NCOA2: variants seen among roughly 807,000 people sequenced by gnomAD.
NCOA2 encodes class E basic helix-loop-helix protein 75.
A neutral mutation model predicts 145.1 loss-of-function variants in NCOA2; 21 were observed. The ratio of observed to expected loss-of-function variants is 0.14; its 90% CI spans 0.10 to 0.21. The LOEUF (loss-of-function observed/expected upper bound fraction) is 0.21. Among genes scored for constraint, NCOA2 ranks in the 10% least tolerant of loss-of-function variants. The probability of loss-of-function intolerance (pLI) is 1.00; values close to 1 mark genes in which losing one functional copy is unlikely to be tolerated. For synonymous variants in NCOA2, 619 were observed against 637.5 expected (o/e 0.97, Z 0.44); for missense variants, 1,472 against 1,837.6 (o/e 0.80, Z 3.64).
the NCOA2 span, among the ~76,000 whole-genome samples, chr8:70,430,795 C>T: frequency 1.3e-5 from 2 of 152,028 alleles, no homozygotes; most frequent in Admixed American, 6.6e-5. Context: ...ATGATTTTGC[C>T]GATTATTTTT....
At chr8:70,214,508 A>C (rs1819385722) in intron 3 of NCOA2, among the ~76,000 whole-genome samples, 1 of 152,256 alleles carries the variant, frequency 6.6e-6, no homozygotes. Context: ...AAATTTCAAT[A>C]ATTTTTGGTA....
chr8:70,439,009 G>C, the NCOA2 span, among the ~76,000 whole-genome samples: 1 of 152,108 alleles, frequency 6.6e-6, no homozygotes, highest in Non-Finnish European at 1.5e-5. Flanking sequence ...TTTTTCTAAG[G>C]TTATCCTTAG....
intron 1 of NCOA2, among the ~76,000 whole-genome samples, chr8:70,328,420 G>A (rs1806789247): frequency 6.6e-6 from 1 of 152,100 alleles, no homozygotes; most frequent in South Asian, 2.1e-4. Context: ...TCCTCTCTAG[G>A]TCTCCTAGAC....
the NCOA2 span, among the ~76,000 whole-genome samples, chr8:70,435,261 T>C: frequency 6.7e-6 from 1 of 149,264 alleles, no homozygotes; most frequent in South Asian, 2.2e-4. Context: ...CCGTCTCTAC[T>C]AAAAATACAA....
chr8:70,406,200 A>G (rs1814777372), upstream of NCOA2, among the ~76,000 whole-genome samples: 2 of 152,244 alleles, frequency 1.3e-5, no homozygotes, highest in Admixed American at 1.3e-4. Context: ...TGTGAAATAT[A>G]AATAATAGTA....
chr8:70,338,967 T>C (rs568186048), intron 1 of NCOA2, among the ~76,000 whole-genome samples: 1 of 152,178 alleles, frequency 6.6e-6, no homozygotes, highest in South Asian at 2.1e-4. Flanking sequence ...ATAAGAGCCA[T>C]ATATGACAAA....
intron 2 of NCOA2, among the ~76,000 whole-genome samples, chr8:70,256,259 G>A (rs886682962): frequency 6.6e-6 from 1 of 152,154 alleles, no homozygotes; most frequent in African/African-American, 2.4e-5. Flanking sequence ...GAGACCAGCT[G>A]ACAGAACGGG....
chr8:70,409,564 A>G, the NCOA2 span, among the ~76,000 whole-genome samples: 1 of 152,214 alleles, frequency 6.6e-6, no homozygotes, highest in Non-Finnish European at 1.5e-5. Context: ...GACTTAAATG[A>G]TAAAAACCAA....
At chr8:70,159,249 T>A (rs1393743203) in intron 10 of NCOA2, among the ~76,000 whole-genome samples, 4 of 131,396 alleles carry the variant, frequency 3.0e-5, no homozygotes, top group African/African-American at 8.3e-5. Context: ...TATATTTTTT[T>A]TTTTTTCCCC....
intron 1 of NCOA2, among the ~76,000 whole-genome samples, chr8:70,323,156 T>TA (rs1177989558): frequency 9.2e-5 from 14 of 152,226 alleles, no homozygotes; most frequent in Non-Finnish European, 2.1e-4. Flanking sequence ...AACTGGTCAG[T>TA]ATGTACTGAG....
At chr8:70,272,860 TAATA>T (rs1416938890) in intron 2 of NCOA2, among the ~76,000 whole-genome samples, 2 of 151,152 alleles carry the variant, frequency 1.3e-5, no homozygotes, top group African/African-American at 4.9e-5. Flanking sequence ...ACTTATAAAG[TAATA>T]ATTTAATATT....
rs755289540 is a variant in NCOA2, at chr8:70,138,178, G to A, written c.3158+25C>T. On this transcript the variant is annotated intron_variant, in intron 15 of 22. Transcript: ENST00000452400. The stretch of plus-strand genomic sequence containing the variant: ...TTTCTGGACAGGTATAAAATAACTG[G>A]CTACCCTAGGTGCTCAGGACTCACC... 6.3e-6 allele frequency: 10 copies of A among 1,590,964 alleles called. No individual in the cohort carries two copies. The African/African-American group carries it at 6.8e-5, about 11-fold the overall frequency.
In NCOA2 at chr8:70,159,655, G is replaced by A. The variant is rs1338600493; in HGVS notation, c.977-3C>T. ...GAATGCCAATCCTTGTCTCAGTACT[G>A]CAGGCAAGCAAGGAAACAGAAGGCA... On this transcript the variant is annotated splice_region_variant and splice_polypyrimidine_tract_variant and intron_variant, in intron 9 of 22. Coordinates refer to ENST00000452400, the MANE Select transcript of NCOA2 (RefSeq NM_006540.4). 1 of 1,605,896 alleles carries A rather than the reference G, an allele frequency of 6.2e-7. No homozygotes were observed. Among genetic ancestry groups the A allele is most frequent in the East Asian group, 2.2e-5 (1 of 44,746 alleles).
At chr8:70,192,170 G>A (rs1816765419) in intron 4 of NCOA2, among the ~76,000 whole-genome samples, 3 of 152,238 alleles carry the variant, frequency 2.0e-5, no homozygotes, top group South Asian at 2.1e-4. Context: ...ATACCATTTA[G>A]TAGGAGTTTT....
In NCOA2 at chr8:70,302,504, G is replaced by C. The variant is rs141217433; in HGVS notation, c.-76-5704C>G. On this transcript the variant is annotated intron_variant, in intron 1 of 22. Transcript: ENST00000452400. ...TAATTTTCATTCTCCAAAGTCCTCT[G>C]TAAGGTCAACAGAATCATGGCAAAA... Among the ~76,000 whole-genome samples, 695 of 152,216 alleles carry C rather than the reference G, an allele frequency of 4.6e-3. 9 individuals are homozygous for C. Among genetic ancestry groups the C allele is most frequent in the African/African-American group, 0.016 (670 of 41,532 alleles).
At chr8:70,455,574 TAAC>T in the NCOA2 span, among the ~76,000 whole-genome samples, 1 of 152,098 alleles carries the variant, frequency 6.6e-6, no homozygotes, top group South Asian at 2.1e-4. Context: ...TTTTTAAGAT[TAAC>T]AACCACTGAA....
At chr8:70,179,577 T>G (rs903008677) in intron 4 of NCOA2, among the ~76,000 whole-genome samples, 1 of 152,240 alleles carries the variant, frequency 6.6e-6, no homozygotes, top group Non-Finnish European at 1.5e-5. Flanking sequence ...CCTTAGATAT[T>G]TATACTTCTG....
chr8:70,225,547 T>TCAAAAA (rs1820551349), intron 2 of NCOA2, among the ~76,000 whole-genome samples: 1 of 128,144 alleles, frequency 7.8e-6, no homozygotes, highest in Admixed American at 7.9e-5. Flanking sequence ...AGACTCTGTC[T>TCAAAAA]CAAAAAAAAA....
At chr8:70,214,215 C>T in intron 3 of NCOA2, 140 bp from the exon 4 acceptor site, 2 of 803,462 alleles carry the variant, frequency 2.5e-6, no homozygotes, top group South Asian at 1.8e-5. Context: ...GGGGGAAAAA[C>T]ACAATTTTCC....
Sources: gnomAD v4.1 joint callset for allele counts (sites outside exome capture counted in the v4.1 genomes callset) on GRCh38, gnomAD v4.1.1 for gene constraint, MANE v1.5 for transcripts, NCBI Gene and HGNC (gene_info 2026-07-23, HGNC 2026-07-21) for gene names.